EP300: variants seen among roughly 807,000 people sequenced by gnomAD.
EP300 encodes the protein EP300 lysine acetyltransferase, also known as histone acetyltransferase p300.
EP300 carries 31 observed loss-of-function variants against 264.0 expected under a neutral mutation model. That is an observed-to-expected ratio of 0.12 (90% confidence interval 0.09 to 0.16). The LOEUF (loss-of-function observed/expected upper bound fraction) is 0.16. EP300 is among the 10% of genes least tolerant of loss of function. EP300 has a pLI of 1.00. For synonymous variants in EP300, 1,340 were observed against 1,045.4 expected (o/e 1.28, Z -5.44); for missense variants, 2,766 against 3,052.9 (o/e 0.91, Z 2.21).
intron 27 of EP300, among the ~76,000 whole-genome samples, chr22:41,171,398 A>G (rs905668864): frequency 6.6e-6 from 1 of 152,122 alleles, no homozygotes; most frequent in African/African-American, 2.4e-5. Flanking sequence ...GTGCAGTGGC[A>G]TGATACCCGC....
At chr22:41,147,149 C>CA (rs534634223) in intron 11 of EP300, among the ~76,000 whole-genome samples, 70 of 151,848 alleles carry the variant, frequency 4.6e-4, no homozygotes, top group Non-Finnish European at 7.2e-4. Flanking sequence ...ACTAAAAATA[C>CA]AAAAAAATTA....
At chr22:41,169,089 G>T in intron 25 of EP300, 1 of 633,562 alleles carries the variant, frequency 1.6e-6, no homozygotes, top group South Asian at 1.9e-5. Context: ...TAAAGGATAT[G>T]AATAGCAACC....
intron 6 of EP300, 139 bp from the exon 7 acceptor site, chr22:41,135,674 C>T (rs1165652509): frequency 5.9e-6 from 4 of 677,438 alleles, no homozygotes; most frequent in Admixed American, 2.4e-5. Context: ...ATATGTGTTG[C>T]CAGTTATATT....
intron 10 of EP300, among the ~76,000 whole-genome samples, chr22:41,146,356 A>G (rs979476549): frequency 7.2e-5 from 11 of 152,150 alleles, no homozygotes; most frequent in African/African-American, 2.6e-4. Flanking sequence ...TAGTAGAGAC[A>G]GGGTTTCGCC....
intron 13 of EP300, 91 bp downstream of exon 13, chr22:41,149,266 TG>T: frequency 6.8e-7 from 1 of 1,466,242 alleles, no homozygotes; most frequent in Admixed American, 1.7e-5. Flanking sequence ...CAGCAAATAG[TG>T]GGTGAAAACA....
At position 41,092,689 on chromosome 22, in the gene EP300, G is replaced by A; in HGVS notation, c.-316G>A. 3.2e-6 allele frequency: 2 copies of A among 618,206 alleles called. No individual in the cohort carries two copies. The highest frequency in any genetic ancestry group is 5.8e-6 in the Non-Finnish European group (2 of 342,278). 38.3% of individuals were successfully genotyped at this position (618,206 alleles called of 1,614,324 possible). On this transcript the variant is annotated 5_prime_UTR_variant, in exon 1 of 31. Transcript: ENST00000263253. ...GCAGGGGCCGGCCGTGGCGGGCCGG[G>A]GACTGCGCCTCTAGAGCCGCGAGTT...
At chr22:41,118,335 G>A (rs760927516) in intron 2 of EP300, among the ~76,000 whole-genome samples, 6 of 152,184 alleles carry the variant, frequency 3.9e-5, no homozygotes, top group Non-Finnish European at 8.8e-5. Context: ...CTTGGCCAAA[G>A]ACTTCTGTTA....
In EP300 at chr22:41,169,614, A is replaced by C; in HGVS notation, c.4284A>C (p.Leu1428Phe). The change falls in exon 26 of 31, where the codon TTA becomes TTC. Residue 1428 changes from leucine to phenylalanine, a missense_variant and splice_region_variant. Transcript: ENST00000263253. ...LIGYLEYVKK[L>F]GYTTGHIWAC... ...GATATTTAGAATATGTCAAGAAATT[A>C]GGGTAAGCATATTTTGATAATGGCT... The C allele has an allele frequency of 6.4e-7, 1 of 1,566,048 alleles. No homozygotes were observed. The highest frequency in any genetic ancestry group is 8.8e-7 in the Non-Finnish European group (1 of 1,138,872).
At chr22:41,166,181 G>A (rs1238723018) in intron 22 of EP300, among the ~76,000 whole-genome samples, 2 of 152,180 alleles carry the variant, frequency 1.3e-5, no homozygotes, top group Admixed American at 1.3e-4. Flanking sequence ...TGATGAACAA[G>A]TTTATACAAG....
At position 41,150,095 on chromosome 22, in the gene EP300, C is replaced by A; in HGVS notation, c.2714C>A (p.Pro905His). The change falls in exon 14 of 31, where the codon CCT becomes CAT. Residue 905 changes from proline (P) to histidine (H), a missense_variant. By Grantham distance (77) the Pro-to-His change is moderately conservative. Transcript: ENST00000263253. Reference sequence around the variant, plus strand: ...GTGCAGCCTTCACTTCCTGCTGCACCTTCTGCTGACCAGCCCCAGCAGCAG... The same window carrying A: ...GTGCAGCCTTCACTTCCTGCTGCACATTCTGCTGACCAGCCCCAGCAGCAG... Reference protein sequence around the residue: ...QQVQPSLPAAPSADQPQQQPR... With the variant: ...QQVQPSLPAAHSADQPQQQPR... The A allele has an allele frequency of 6.2e-7, 1 of 1,613,596 alleles. No homozygotes were observed. Among genetic ancestry groups the A allele is most frequent in the South Asian group, 1.1e-5 (1 of 91,082 alleles).
At position 41,157,069 on chromosome 22, in the gene EP300, A is replaced by G. The variant is rs138557167; in HGVS notation, c.3262-100A>G. 253 of 1,495,640 alleles carry G rather than the reference A, an allele frequency of 1.7e-4. No homozygotes were observed. The African/African-American group carries it at 2.9e-3, about 17-fold the overall frequency. The allele number at this position is 1,495,640 out of a possible 1,614,324, so 92.6% of individuals were successfully genotyped here. A position where few individuals can be genotyped will look rare whatever the true frequency, so the allele number is the denominator to read the frequency against. On this transcript the variant is annotated intron_variant, in intron 17 of 30. Transcript: ENST00000263253. ...GGGGAATATAGACAGGCCAGAAACT[A>G]AAACACTGCCTGGAAAATTAACAAT...
chr22:41,177,132 A>C lies in EP300; in HGVS notation c.5421A>C (p.Leu1807=). The change falls in exon 31 of 31, where the codon CTA becomes CTC. Residue 1807 remains leucine, a synonymous_variant. Transcript: ENST00000263253. ...ACAAATGCCCGGTGCCGTTCTGCCT[A>C]AACATCAAGCAGAAGCTCCGGCAGC... ...QENKCPVPFC[L]NIKQKLRQQQ... 1 of 1,614,112 alleles carries C rather than the reference A, an allele frequency of 6.2e-7. No homozygotes were observed. The highest frequency in any genetic ancestry group is 1.1e-5 in the South Asian group (1 of 91,086).
intron 3 of EP300, 159 bp downstream of exon 3, chr22:41,126,199 C>T: frequency 1.4e-6 from 1 of 702,466 alleles, no homozygotes; most frequent in South Asian, 1.8e-5. Flanking sequence ...CTTGTGCTTC[C>T]TTTCCATTTC....
chr22:41,158,618 A>G, intron 19 of EP300, 118 bp downstream of exon 19: 1 of 808,476 alleles, frequency 1.2e-6, no homozygotes, highest in African/African-American at 1.7e-5. Context: ...AGACAGCTGT[A>G]TAGCACAAGT....
At position 41,119,172 on chromosome 22, in the gene EP300, ATTATTTTTTT is replaced by A. The variant is rs1209272889; in HGVS notation, c.729+1354_729+1363del. Among the ~76,000 whole-genome samples, 45 of 107,274 alleles carry A rather than the reference ATTATTTTTTT, an allele frequency of 4.2e-4. 1 individual carries two copies. Among genetic ancestry groups the A allele is most frequent in the Non-Finnish European group, 6.6e-4 (37 of 56,234 alleles). 70.4% of individuals were successfully genotyped at this position (107,274 alleles called of 152,430 possible). On this transcript the variant is annotated intron_variant, in intron 2 of 30. Coordinates refer to ENST00000263253, the MANE Select transcript of EP300 (RefSeq NM_001429.4). ...CACATACCACCATGCCTGGCTTATT[ATTATTTTTTT>A]TTTTTTTTTTTTTTTTTTTAAGAGA...
intron 2 of EP300, among the ~76,000 whole-genome samples, chr22:41,123,594 G>T (rs1266124980): frequency 6.6e-6 from 1 of 152,196 alleles, no homozygotes; most frequent in Non-Finnish European, 1.5e-5. Flanking sequence ...AGGACCCTTT[G>T]ATTGGTCTTA....
At chr22:41,104,385 G>T (rs1489976612) in intron 1 of EP300, among the ~76,000 whole-genome samples, 1 of 151,888 alleles carries the variant, frequency 6.6e-6, no homozygotes, top group Non-Finnish European at 1.5e-5. Context: ...TGCCTCCCCG[G>T]TTCAAGTGAT....
chr22:41,125,771 TG>T (rs1471790889), intron 2 of EP300, 92 bp from the exon 3 acceptor site: 2 of 1,363,216 alleles, frequency 1.5e-6, no homozygotes, highest in African/African-American at 1.5e-5. Flanking sequence ...CCTTTGAAAC[TG>T]TCTTTGTGAA....
chr22:41,126,820 C>T (rs1166229104), intron 3 of EP300, among the ~76,000 whole-genome samples: 1 of 136,538 alleles, frequency 7.3e-6, no homozygotes, highest in East Asian at 2.3e-4. Flanking sequence ...TCTCGGCTCA[C>T]TGCAACTTCT....
Sources: gnomAD v4.1 joint callset for allele counts (sites outside exome capture counted in the v4.1 genomes callset) on GRCh38, gnomAD v4.1.1 for gene constraint, MANE v1.5 for transcripts, NCBI Gene and HGNC (gene_info 2026-07-23, HGNC 2026-07-21) for gene names.